MAN2C1: variants seen among roughly 807,000 people sequenced by gnomAD.
MAN2C1 encodes the protein mannosidase alpha class 2C member 1, also known as alpha-mannosidase 2C1.
MAN2C1 carries 111 observed loss-of-function variants against 126.9 expected under a neutral mutation model. The observed-to-expected ratio is 0.87, with a 90% CI of 0.75 to 1.02. MAN2C1 has a LOEUF of 1.02. MAN2C1 is among the 50% of genes least tolerant of loss of function. The probability of loss-of-function intolerance (pLI) is 0.00; values close to 1 mark genes in which losing one functional copy is unlikely to be tolerated. For missense variants in MAN2C1, 1,363 were observed against 1,364.4 expected (o/e 1.00, Z 0.02); for synonymous variants, 567 against 561.5 (o/e 1.01, Z -0.14).
At position 75,361,219 on chromosome 15, in the gene MAN2C1, G is replaced by A. The variant is rs1198331332; in HGVS notation, c.1315-28C>T. ...AGACAGGTGAGGGCAGGCCAGCATG[G>A]ATCAGCCTGGAACAAGCCAGCCCTC... On this transcript the variant is annotated intron_variant, in intron 11 of 25. Transcript: ENST00000267978. The surrounding 1 kb of genome is among the most constrained non-coding windows in gnomAD (Gnocchi z 5.0). 2 of 1,605,676 alleles carry A rather than the reference G, an allele frequency of 1.2e-6. No individual in the cohort carries two copies. The highest frequency in any genetic ancestry group is 1.7e-4 in the Middle Eastern group (1 of 6,048).
Position 75,362,643 on chromosome 15 carries a change from T to C in MAN2C1, c.896A>G (p.Gln299Arg), listed in dbSNP as rs1257456520. Residue 299 changes from glutamine to arginine, a missense_variant and splice_region_variant, in exon 7 of 26, where the codon CAG becomes CGG. Physicochemically the swap from Gln to Arg is conservative, Grantham distance 43. Around this residue, in one of 3 missense-constraint regions of MAN2C1, gnomAD observed 628 missense variants for 609.8 expected, o/e 1.03. Coordinates refer to ENST00000267978, the MANE Select transcript of MAN2C1 (RefSeq NM_006715.4). This position sits in a 1 kb window ranked among gnomAD's most constrained non-coding sequence, Gnocchi z 4.5. ...RNPEFIFACSQAQQLEWVKSR... is the reference protein window; with the variant it reads ...RNPEFIFACSRAQQLEWVKSR... ...CTCCCTCACAGCTGTCCCTCTGACC[T>C]GGGAGCAGGCAAAGATGAACTCAGG... The C allele has an allele frequency of 1.2e-6, 2 of 1,613,806 alleles. No homozygotes were observed. Among genetic ancestry groups the C allele is most frequent in the Non-Finnish European group, 1.7e-6 (2 of 1,179,902 alleles).
intron 12 of MAN2C1, 102 bp from the exon 13 acceptor site, chr15:75,360,790 C>A (rs2072451260): frequency 7.0e-7 from 1 of 1,435,992 alleles, no homozygotes; most frequent in South Asian, 1.3e-5. Context: ...AGAGGAGCCA[C>A]TCCAGAAAGC....
At position 75,359,629 on chromosome 15, in the gene MAN2C1, G is replaced by A; in HGVS notation, c.1939C>T (p.His647Tyr). ...VMALPKPGGA[H>Y]SLALVTVPSM... ...TCCCCTCAGCTCGTACCTAGGCTGT[G>A]GGCCCCGCCCGGTTTGGGCAGGGCC... Residue 647 changes from histidine (H) to tyrosine (Y), a missense_variant, in exon 16 of 26, where the codon CAC becomes TAC. This residue lies in a region of MAN2C1 where 668 missense variants were observed against 650.1 expected (regional missense o/e 1.03). Transcript: ENST00000267978. 5.0e-6 allele frequency: 8 copies of A among 1,613,974 alleles called. No individual in the cohort carries two copies. The highest frequency in any genetic ancestry group is 2.2e-5 in the South Asian group (2 of 91,076).
chr15:75,363,789 A>G lies in MAN2C1; in HGVS notation c.790+210T>C, dbSNP rs2072522715. 5.3e-6 allele frequency: 3 copies of G among 567,384 alleles called. No individual in the cohort carries two copies. The South Asian group carries it at 6.6e-5, about 13-fold the overall frequency. 35.1% of individuals were successfully genotyped at this position (567,384 alleles called of 1,614,324 possible). A position where few individuals can be genotyped will look rare whatever the true frequency, so the allele number is the denominator to read the frequency against. On this transcript the variant is annotated intron_variant, in intron 6 of 25. Coordinates refer to ENST00000267978, the MANE Select transcript of MAN2C1 (RefSeq NM_006715.4). ...CCATTGCACTCCACCCTGGGTGACA[A>G]GAGTGAGACTCCGTCTCAAAAAAAA...
intron 6 of MAN2C1, chr15:75,363,436 C>G (rs2072516457): frequency 2.4e-6 from 1 of 408,918 alleles, no homozygotes; most frequent in South Asian, 1.8e-5. Context: ...GACACCAACT[C>G]TGCCTGCTGA....
chr15:75,359,989 C>T lies in MAN2C1; in HGVS notation c.1707-1G>A. On this transcript the variant is annotated splice_acceptor_variant, in intron 14 of 25. Transcript: ENST00000267978. LOFTEE classifies it high-confidence loss of function. ...ATGGAACTGGTTCAGAAGAAGGAGC[C>T]TGCAGGGGCCAAGGGCAGGGATGGG... is the stretch of plus-strand genomic sequence containing the variant. 1 of 1,614,100 alleles carries T rather than the reference C, an allele frequency of 6.2e-7. No individual in the cohort carries two copies. Among genetic ancestry groups the T allele is most frequent in the Non-Finnish European group, 8.5e-7 (1 of 1,179,986 alleles).
intron 13 of MAN2C1, 159 bp downstream of exon 13, chr15:75,360,406 C>G: frequency 1.5e-6 from 2 of 1,297,744 alleles, no homozygotes; most frequent in Admixed American, 2.6e-5. Flanking sequence ...GGGTTTCTGC[C>G]TCCTTCAAGC....
chr15:75,360,885 TC>T, intron 12 of MAN2C1, 160 bp downstream of exon 12: 3 of 1,195,918 alleles, frequency 2.5e-6, no homozygotes, highest in Non-Finnish European at 2.3e-6. Flanking sequence ...CTTCAGCTTC[TC>T]CCCCACCCAC....
intron 2 of MAN2C1, 26 bp from the exon 3 acceptor site, chr15:75,367,660 C>T: frequency 1.2e-6 from 2 of 1,613,610 alleles, no homozygotes; most frequent in South Asian, 1.1e-5. Flanking sequence ...TGTGATAGGC[C>T]TAGAGGTAGA....
chr15:75,364,675 T>C lies in MAN2C1; in HGVS notation c.423-10A>G, dbSNP rs1220960930. ...CACATAGAGAGTGAGGCTACAAAGA[T>C]GGGGAGACAGCCTCAGGCTAAGGGA... On this transcript the variant is annotated splice_polypyrimidine_tract_variant and intron_variant, in intron 4 of 25. Coordinates refer to ENST00000267978, the MANE Select transcript of MAN2C1 (RefSeq NM_006715.4). The C allele has an allele frequency of 3.7e-6, 6 of 1,601,832 alleles. No individual in the cohort carries two copies. The highest frequency in any genetic ancestry group is 1.3e-5 in the African/African-American group (1 of 74,634).
intron 4 of MAN2C1, chr15:75,365,731 A>G (rs1181154655): frequency 4.7e-6 from 1 of 212,632 alleles, no homozygotes; most frequent in African/African-American, 2.4e-5. Context: ...CGTCTCAAAA[A>G]AATCCAAAAA....
chr15:75,358,803 G>C lies in MAN2C1; in HGVS notation c.2147C>G (p.Ala716Gly), dbSNP rs1337404899. The C allele has an allele frequency of 1.2e-6, 2 of 1,611,462 alleles. No individual in the cohort carries two copies. The highest frequency in any genetic ancestry group is 1.7e-6 in the Non-Finnish European group (2 of 1,178,540). ...SLVLVASGREAIAEGAVGNQF... is the reference protein window; with the variant it reads ...SLVLVASGREGIAEGAVGNQF... The stretch of plus-strand genomic sequence containing the variant: ...GTTCCCCACGGCGCCCTCAGCAATG[G>C]CCTCCCTGGAAGGACATGGGATTGG... Residue 716 changes from alanine to glycine, a missense_variant, in exon 19 of 26, where the codon GCC becomes GGC. Around this residue, in one of 3 missense-constraint regions of MAN2C1, gnomAD observed 668 missense variants for 650.1 expected, o/e 1.03. Transcript: ENST00000267978.
chr15:75,358,935 A>C (rs918191987), intron 18 of MAN2C1, 124 bp downstream of exon 18: 20 of 1,449,366 alleles, frequency 1.4e-5, no homozygotes, highest in Non-Finnish European at 1.8e-5. Context: ...GCCCTGCTCC[A>C]TGTGTGGGTT....
intron 6 of MAN2C1, chr15:75,363,210 C>A (rs1272898127): frequency 2.2e-6 from 1 of 456,718 alleles, no homozygotes; most frequent in Admixed American, 2.3e-5. Context: ...CACACCTTAC[C>A]CTACATCTTG....
At position 75,360,518 on chromosome 15, in the gene MAN2C1, G is replaced by A. The variant is rs759049318; in HGVS notation, c.1584+47C>T. ...CTGCTGCCTTCTCTGACCCTCTGCAGATCAAGGGCACACCCTCCCTGCACA... is the reference window on the plus strand; with the variant it reads ...CTGCTGCCTTCTCTGACCCTCTGCAAATCAAGGGCACACCCTCCCTGCACA... On this transcript the variant is annotated intron_variant, in intron 13 of 25. Transcript: ENST00000267978. 6.9e-6 allele frequency: 11 copies of A among 1,605,344 alleles called. No individual in the cohort carries two copies. The Admixed American group carries it at 1.7e-4, about 24-fold the overall frequency.
At chr15:75,358,931 C>T (rs777380340) in intron 18 of MAN2C1, 123 bp from the exon 19 acceptor site, 34 of 1,438,006 alleles carry the variant, frequency 2.4e-5, no homozygotes, top group Non-Finnish European at 3.1e-5. Context: ...GCCTGCCCTG[C>T]TCCATGTGTG....
intron 18 of MAN2C1, 98 bp from the exon 19 acceptor site, chr15:75,358,906 G>T (rs1225353889): frequency 7.3e-7 from 1 of 1,362,402 alleles, no homozygotes; most frequent in African/African-American, 1.4e-5. Context: ...CCAGTGGACA[G>T]GGGACTACTG....
intron 6 of MAN2C1, chr15:75,363,035 G>A (rs1013058225): frequency 2.5e-5 from 11 of 431,774 alleles, no homozygotes; most frequent in Non-Finnish European, 1.7e-5. Flanking sequence ...TCCCCTAGAG[G>A]ATCCTACGAG....
At chr15:75,367,945 A>G (rs2072611971) in intron 2 of MAN2C1, 128 bp downstream of exon 2, 11 of 1,258,190 alleles carry the variant, frequency 8.7e-6, no homozygotes, top group African/African-American at 1.5e-5. Flanking sequence ...TGCTGCTCCC[A>G]GCAGAGGGTG....
Sources: gnomAD v4.1 joint callset for allele counts on GRCh38, gnomAD v4.1.1 for gene constraint, gnomAD v4.1.1 regional missense constraint, Gnocchi (gnomAD v3.1) non-coding constraint, MANE v1.5 for transcripts, NCBI Gene and HGNC (gene_info 2026-07-23, HGNC 2026-07-21) for gene names.